The following PJA2 variants were observed in gnomAD, a reference collection of about 807,000 sequenced individuals.
PJA2 encodes E3 ubiquitin-protein ligase Praja-2.
PJA2 carries 25 observed loss-of-function variants against 69.3 expected under a neutral mutation model. The observed-to-expected ratio is 0.36, with a 90% CI of 0.26 to 0.50. The LOEUF is 0.50. Among genes scored for constraint, PJA2 ranks in the 20% least tolerant of loss-of-function variants. The pLI is 0.96. For missense variants in PJA2, 809 were observed against 830.2 expected, an observed-to-expected ratio of 0.97 and a Z score of 0.31; for synonymous variants, 308 against 277.8, an observed-to-expected ratio of 1.11 and a Z score of -1.08.
chr5:109,405,749 T>C (rs1422496117), intron 1 of PJA2, among the ~76,000 whole-genome samples: 1 of 152,194 alleles, frequency 6.6e-6, no homozygotes. Flanking sequence ...AAATGGATAA[T>C]GTGCCTTGAC....
intron 7 of PJA2, among the ~76,000 whole-genome samples, chr5:109,349,880 G>A (rs1762221507): frequency 6.6e-6 from 1 of 152,120 alleles, no homozygotes; most frequent in Non-Finnish European, 1.5e-5. Flanking sequence ...TTGCAAGATA[G>A]GAAATGGAAG....
chr5:109,338,163 A>G (rs766003451), intron 9 of PJA2, among the ~76,000 whole-genome samples: 7 of 152,160 alleles, frequency 4.6e-5, no homozygotes, highest in Non-Finnish European at 1.0e-4. Flanking sequence ...TGAAGAGATC[A>G]TGCTGTCGAA....
chr5:109,379,283 T>G (rs1746983033), intron 3 of PJA2, 29 bp from the exon 4 acceptor site: 6 of 1,473,674 alleles, frequency 4.1e-6, no homozygotes, highest in Non-Finnish European at 5.5e-6. Context: ...AAAACATATT[T>G]TAAAGGATTA....
rs1159421264 is a variant in PJA2 at position 109,353,464 on chromosome 5, T to TATA, written c.1764+2448_1764+2450dup. ...TATAGATATCTATATATTAGATACC[T>TATA]ATATCTATAGATATCTAATATATTA... is the stretch of plus-strand genomic sequence containing the variant. On this transcript the variant is annotated intron_variant, in intron 7 of 9. Transcript: ENST00000361189. Among the ~76,000 whole-genome samples the TATA allele has an allele frequency of 1.8e-3, 205 of 114,642 alleles. 7 individuals are homozygous for TATA. The highest frequency in any genetic ancestry group is 4.6e-3 in the African/African-American group (166 of 35,828). 75.2% of individuals were successfully genotyped at this position (114,642 alleles called of 152,430 possible).
rs1441631303 is a variant in PJA2 at position 109,336,885 on chromosome 5, T to C, written c.*346A>G. The C allele has an allele frequency of 1.3e-5, 2 of 157,824 alleles. No homozygotes were observed. 9.8% of individuals were successfully genotyped at this position (157,824 alleles called of 1,614,324 possible). ...TACATTTGATGCAAACAGGACAGCT[T>C]AATTATAATCACTTAGTGGCAGTAT... On this transcript the variant is annotated 3_prime_UTR_variant, in exon 10 of 10. Coordinates refer to ENST00000361189, the MANE Select transcript of PJA2 (RefSeq NM_014819.5).
intron 1 of PJA2, among the ~76,000 whole-genome samples, chr5:109,390,363 C>G (rs1289979990): frequency 6.6e-6 from 1 of 151,914 alleles, no homozygotes; most frequent in Non-Finnish European, 1.5e-5. Flanking sequence ...TAACACTTCT[C>G]TCCTTAAATC....
chr5:109,393,439 G>A (rs1285718980), intron 1 of PJA2, among the ~76,000 whole-genome samples: 3 of 152,094 alleles, frequency 2.0e-5, no homozygotes, highest in African/African-American at 4.8e-5. Flanking sequence ...TAGTAAACCT[G>A]AACATATGCA....
chr5:109,379,209 G>A lies in PJA2; in HGVS notation c.278C>T (p.Pro93Leu). 1 of 1,613,482 alleles carries A rather than the reference G, an allele frequency of 6.2e-7. No individual in the cohort carries two copies. Among genetic ancestry groups the A allele is most frequent in the South Asian group, 1.1e-5 (1 of 91,004 alleles). ...TTCTGTTTCACTTTTTTCAAATATA[G>A]GTTCACTGGGTAAAGAAGAATCAAC... ...DQVDSSLPSE[P>L]IFEKSETEIP... The change falls in exon 4 of 10, where the codon CCT becomes CTT. Residue 93 changes from proline to leucine, a missense_variant. By Grantham distance (98) the Pro-to-Leu change is moderately conservative (BLOSUM62 -3). Coordinates refer to ENST00000361189, the MANE Select transcript of PJA2 (RefSeq NM_014819.5).
intron 7 of PJA2, among the ~76,000 whole-genome samples, chr5:109,347,469 A>G (rs1450438372): frequency 6.6e-6 from 1 of 152,196 alleles, no homozygotes; most frequent in African/African-American, 2.4e-5. Context: ...TGGCTCTTGA[A>G]GCACATGCTG....
chr5:109,375,888 G>A (rs948036211), intron 4 of PJA2, among the ~76,000 whole-genome samples: 2 of 152,150 alleles, frequency 1.3e-5, no homozygotes, highest in African/African-American at 4.8e-5. Context: ...ATCCTTTGCA[G>A]GGAATTAGGG....
chr5:109,409,494 C>G (rs114575336), intron 1 of PJA2, among the ~76,000 whole-genome samples: 4,638 of 152,238 alleles, frequency 0.03, 91 homozygotes, highest in Middle Eastern at 0.048. Context: ...AGCCAGCGGG[C>G]TCCTTGGCCA....
chr5:109,391,951 A>G (rs1747291332), intron 1 of PJA2, among the ~76,000 whole-genome samples: 2 of 152,224 alleles, frequency 1.3e-5, no homozygotes, highest in Admixed American at 6.5e-5. Flanking sequence ...TTTAGAAGAC[A>G]TAACTACGTG....
At chr5:109,377,000 C>T (rs1164691152) in intron 4 of PJA2, among the ~76,000 whole-genome samples, 1 of 152,026 alleles carries the variant, frequency 6.6e-6, no homozygotes, top group African/African-American at 2.4e-5. Flanking sequence ...AGTGTGGATA[C>T]TGAATAAAAC....
At position 109,386,647 on chromosome 5, in the gene PJA2, AT is replaced by A. The variant is rs557226178; in HGVS notation, c.-87-3128del. Among the ~76,000 whole-genome samples the A allele has an allele frequency of 5.3e-3, 783 of 148,100 alleles. 5 individuals are homozygous for A. The highest frequency in any genetic ancestry group is 0.017 in the African/African-American group (697 of 40,460). ...CTACTTTGAATTCCATGTTTTTATC[AT>A]TTTTTTTTTCCCTTTACTGGAAGAT... On this transcript the variant is annotated intron_variant, in intron 1 of 9. Coordinates refer to ENST00000361189, the MANE Select transcript of PJA2 (RefSeq NM_014819.5).
At chr5:109,376,777 T>C (rs183608670) in intron 4 of PJA2, among the ~76,000 whole-genome samples, 1 of 152,284 alleles carries the variant, frequency 6.6e-6, no homozygotes, top group African/African-American at 2.4e-5. Context: ...TAAATGTGTT[T>C]TGGAATTTTG....
chr5:109,343,562 A>G (rs180672409), intron 9 of PJA2, among the ~76,000 whole-genome samples: 159 of 152,178 alleles, frequency 1.0e-3, no homozygotes, highest in African/African-American at 3.6e-3. Context: ...GAAAACACCA[A>G]ATTTCAGGGT....
At chr5:109,351,903 A>AT (rs1357254033) in intron 7 of PJA2, among the ~76,000 whole-genome samples, 1 of 152,176 alleles carries the variant, frequency 6.6e-6, no homozygotes, top group African/African-American at 2.4e-5. Flanking sequence ...TTTTTGTTTC[A>AT]TTTTAAAAAA....
chr5:109,403,797 C>T (rs1360622524), intron 1 of PJA2, among the ~76,000 whole-genome samples: 4 of 151,122 alleles, frequency 2.6e-5, no homozygotes, highest in Non-Finnish European at 5.9e-5. Flanking sequence ...CTCTGCCAGG[C>T]GCAGTGGCTC....
intron 1 of PJA2, among the ~76,000 whole-genome samples, chr5:109,397,912 A>G (rs1747454298): frequency 6.6e-6 from 1 of 152,220 alleles, no homozygotes; most frequent in Non-Finnish European, 1.5e-5. Flanking sequence ...CTCATCTGAC[A>G]AAGGGCTAAT....
Sources: gnomAD v4.1 joint callset for allele counts (sites outside exome capture counted in the v4.1 genomes callset) on GRCh38, gnomAD v4.1.1 for gene constraint, MANE v1.5 for transcripts, NCBI Gene and HGNC (gene_info 2026-07-23, HGNC 2026-07-21) for gene names.